OPA3: variants seen among roughly 807,000 people sequenced by gnomAD.
The protein encoded by OPA3 is optic atrophy 3 protein.
Under a neutral mutation model 4.0 loss-of-function variants are expected in OPA3, and 6 were observed. The observed-to-expected ratio is 1.51, with a 90% CI of 0.83 to 2.99. OPA3 has a LOEUF of 2.99. Ranked by LOEUF, OPA3 falls within the 30% of genes most tolerant of loss-of-function variation. The pLI is 0.00. For synonymous variants in OPA3, 105 were observed against 117.1 expected (o/e 0.90, Z 0.67); for missense variants, 235 against 256.2 (o/e 0.92, Z 0.56).
chr19:45,557,021 C>G (rs907256315), intron 1 of OPA3, among the ~76,000 whole-genome samples: 3 of 152,230 alleles, frequency 2.0e-5, no homozygotes, highest in African/African-American at 7.2e-5. Context: ...TGGCCCAGAG[C>G]TGGGCCCGTA....
At chr19:45,531,647 A>G (rs993201424) in intron 1 of OPA3, among the ~76,000 whole-genome samples, 1 of 152,284 alleles carries the variant, frequency 6.6e-6, no homozygotes, top group Admixed American at 6.5e-5. Context: ...ATCCTTGAAT[A>G]TCTGAAATAT....
At chr19:45,537,396 CAAAAAA>C (rs1181396046) in intron 1 of OPA3, among the ~76,000 whole-genome samples, 2 of 28,918 alleles carry the variant, frequency 6.9e-5, no homozygotes, top group Non-Finnish European at 1.1e-4. Context: ...GACTCTGTCT[CAAAAAA>C]AAAAAAAAAA....
chr19:45,568,553 C>T (rs867988993), intron 1 of OPA3, among the ~76,000 whole-genome samples: 20 of 152,160 alleles, frequency 1.3e-4, no homozygotes, highest in African/African-American at 3.9e-4. Context: ...TTGTGCAGGC[C>T]GCAATAGGCA....
In OPA3 at chr19:45,584,624, T is replaced by C; in HGVS notation, c.141A>G (p.Gln47=). The C allele has an allele frequency of 1.2e-6, 2 of 1,614,202 alleles. No individual in the cohort carries two copies. Among genetic ancestry groups the C allele is most frequent in the Non-Finnish European group, 1.7e-6 (2 of 1,180,030 alleles). Residue 47 remains glutamine (Q), a splice_region_variant and synonymous_variant, in exon 1 of 2, where the codon CAA becomes CAG. Transcript: ENST00000263275. Reference sequence around the variant, plus strand: ...GGAGGGAATTCGGGTCAGACTCACGTTGAGCCGGCGGGAGGCAGATATAGG... The same window carrying C: ...GGAGGGAATTCGGGTCAGACTCACGCTGAGCCGGCGGGAGGCAGATATAGG... ...FKTYICLPPA[Q]LYHWVEMRTK...
Position 45,553,152 on chromosome 19 carries a change from A to T in OPA3, c.*362T>A. 1 of 1,242,136 alleles carries T rather than the reference A, an allele frequency of 8.1e-7. No individual in the cohort carries two copies. The highest frequency in any genetic ancestry group is 1.0e-6 in the Non-Finnish European group (1 of 980,662). The allele number at this position is 1,242,136 out of a possible 1,614,324, so 76.9% of individuals were successfully genotyped here. A position where few individuals can be genotyped will look rare whatever the true frequency, so the allele number is the denominator to read the frequency against. On this transcript the variant is annotated 3_prime_UTR_variant, in exon 2 of 2. Coordinates refer to ENST00000263275, the MANE Select transcript of OPA3 (RefSeq NM_025136.4). Reference sequence around the variant, plus strand: ...GATGAGTGTCCCAGTAAAGGTTAACACTGATCAGGTAAACCGGGGGTGGGG... The same window carrying T: ...GATGAGTGTCCCAGTAAAGGTTAACTCTGATCAGGTAAACCGGGGGTGGGG...
chr19:45,572,516 GA>G, intron 1 of OPA3, among the ~76,000 whole-genome samples: 1 of 124,534 alleles, frequency 8.0e-6, no homozygotes, highest in Non-Finnish European at 1.7e-5. Context: ...TATCATATAT[GA>G]GATATGAGAT....
At chr19:45,570,978 T>TG (rs66483717) in intron 1 of OPA3, among the ~76,000 whole-genome samples, 7,702 of 65,888 alleles carry the variant, frequency 0.12, 1,017 homozygotes, top group African/African-American at 0.24. Flanking sequence ...CAAAACTATT[T>TG]GGGGGGGGGG....
downstream of OPA3, among the ~76,000 whole-genome samples, chr19:45,543,325 A>ATT (rs774511385): frequency 2.2e-5 from 3 of 135,772 alleles, no homozygotes; most frequent in African/African-American, 8.2e-5. Flanking sequence ...TTTATTTTTA[A>ATT]TTTTTTTTTT....
At chr19:45,533,830 A>G (rs1273795783) in intron 1 of OPA3, among the ~76,000 whole-genome samples, 1 of 152,220 alleles carries the variant, frequency 6.6e-6, no homozygotes, top group African/African-American at 2.4e-5. Flanking sequence ...GGCAGGCTCC[A>G]TGCTTCTCCC....
exon 2 of OPA3, chr19:45,528,080 G>C (rs1420010986): frequency 1.3e-5 from 2 of 152,474 alleles, no homozygotes; most frequent in Non-Finnish European, 2.9e-5. Context: ...CGATGACTTA[G>C]GTAGTAAAGG....
intron 1 of OPA3, among the ~76,000 whole-genome samples, chr19:45,572,097 G>A (rs371376608): frequency 7.1e-6 from 1 of 141,474 alleles, no homozygotes; most frequent in Non-Finnish European, 1.5e-5. Context: ...TTCATGTGGT[G>A]TATATATATA....
intron 1 of OPA3, among the ~76,000 whole-genome samples, chr19:45,572,197 T>TGA (rs1969677121): frequency 1.4e-5 from 2 of 144,536 alleles, no homozygotes; most frequent in Admixed American, 7.1e-5. Context: ...GATATATATA[T>TGA]GAGATATATA....
At chr19:45,545,916 G>A (rs929391791), downstream of OPA3, among the ~76,000 whole-genome samples, 11 of 151,838 alleles carry the variant, frequency 7.2e-5, no homozygotes, top group Non-Finnish European at 1.0e-4. Flanking sequence ...GTTTCACCAT[G>A]TTGCCCAGGC....
chr19:45,554,818 G>C (rs573669035), intron 1 of OPA3, among the ~76,000 whole-genome samples: 1 of 152,348 alleles, frequency 6.6e-6, no homozygotes, highest in African/African-American at 2.4e-5. Context: ...TAGAGACGGA[G>C]TCTCACTCTG....
intron 1 of OPA3, among the ~76,000 whole-genome samples, chr19:45,581,085 T>C (rs1969848409): frequency 6.6e-6 from 1 of 152,110 alleles, no homozygotes; most frequent in Non-Finnish European, 1.5e-5. Flanking sequence ...ACCTCCATTT[T>C]CCCTTCTATA....
chr19:45,553,428 G>A lies in OPA3; in HGVS notation c.*86C>T. The A allele has an allele frequency of 6.2e-7, 1 of 1,600,440 alleles. No individual in the cohort carries two copies. Among genetic ancestry groups the A allele is most frequent in the Non-Finnish European group, 8.5e-7 (1 of 1,179,374 alleles). On this transcript the variant is annotated 3_prime_UTR_variant, in exon 2 of 2. Transcript: ENST00000263275. Reference sequence around the variant, plus strand: ...ATCAAGATCCTGGTGGTTTCCACTGGGCCAGCGCAGGCAAGGGTGGTGCGG... The same window carrying A: ...ATCAAGATCCTGGTGGTTTCCACTGAGCCAGCGCAGGCAAGGGTGGTGCGG...
At chr19:45,545,245 A>G (rs1271824034), downstream of OPA3, among the ~76,000 whole-genome samples, 1 of 151,842 alleles carries the variant, frequency 6.6e-6, no homozygotes, top group East Asian at 1.9e-4. Context: ...CAGAGAAAAA[A>G]GGGGCTGGAT....
chr19:45,540,777 T>C (rs1238044328), intron 1 of OPA3, among the ~76,000 whole-genome samples: 1 of 150,044 alleles, frequency 6.7e-6, no homozygotes, highest in Non-Finnish European at 1.5e-5. Flanking sequence ...CACTCCAGCC[T>C]GGGTGAGAGA....
At chr19:45,529,475 G>C (rs772253134) in intron 1 of OPA3, 1 of 1,610,640 alleles carries the variant, frequency 6.2e-7, no homozygotes, top group African/African-American at 1.4e-5. Flanking sequence ...AAAGACAGGA[G>C]TCAGGGGTCT....
Sources: allele counts gnomAD v4.1 joint callset (sites outside exome capture counted in the v4.1 genomes callset), GRCh38; gene constraint gnomAD v4.1.1; transcripts MANE v1.5; gene names NCBI Gene and HGNC (gene_info 2026-07-23, HGNC 2026-07-21).